Variants in STARD13 observed in about 807,000 individuals in gnomAD.
STARD13 encodes the protein StAR related lipid transfer domain containing 13.
Under a neutral mutation model 106.4 loss-of-function variants are expected in STARD13, and 62 were observed. The observed-to-expected ratio is 0.58, with a 90% CI of 0.48 to 0.72. The LOEUF is 0.72. STARD13 is among the 30% of genes least tolerant of loss of function. The pLI, the probability that STARD13 is intolerant of heterozygous loss-of-function variation, is 0.00. For missense variants in STARD13, 1,387 were observed against 1,424.0 expected, an observed-to-expected ratio of 0.97 and a Z score of 0.42; for synonymous variants, 565 against 553.0, an observed-to-expected ratio of 1.02 and a Z score of -0.31.
At chr13:33,167,003 C>CAAAAAAAAAAA (rs139921719) in intron 2 of STARD13, among the ~76,000 whole-genome samples, 2 of 126,732 alleles carry the variant, frequency 1.6e-5, no homozygotes, top group Non-Finnish European at 3.4e-5. Context: ...CAAAAAAAAA[C>CAAAAAAAAAAA]AAAAAAAAAA....
intron 1 of STARD13, among the ~76,000 whole-genome samples, chr13:33,179,528 C>T (rs1237069092): frequency 6.6e-6 from 1 of 152,194 alleles, no homozygotes; most frequent in Non-Finnish European, 1.5e-5. Context: ...CTTCTCTCAG[C>T]TCTCTTCATT....
intron 1 of STARD13, among the ~76,000 whole-genome samples, chr13:33,219,812 A>AC (rs1491096610): frequency 8.6e-6 from 1 of 115,938 alleles, no homozygotes; most frequent in Non-Finnish European, 1.8e-5. Context: ...CTAAAAACAA[A>AC]CAAAAAAAAA....
chr13:33,617,091 C>T, the STARD13 span, among the ~76,000 whole-genome samples: 1 of 152,156 alleles, frequency 6.6e-6, no homozygotes, highest in Non-Finnish European at 1.5e-5. Flanking sequence ...TGCTTTTATT[C>T]TTAGTTTATC....
chr13:33,204,484 C>T (rs1305551448), intron 1 of STARD13, among the ~76,000 whole-genome samples: 2 of 152,086 alleles, frequency 1.3e-5, no homozygotes, highest in Non-Finnish European at 2.9e-5. Flanking sequence ...TTCTGATTTC[C>T]CCAATAAGAA....
At chr13:33,456,023 T>C in the STARD13 span, among the ~76,000 whole-genome samples, 2 of 152,298 alleles carry the variant, frequency 1.3e-5, no homozygotes, top group African/African-American at 4.8e-5. Context: ...GAAAGTCATA[T>C]GATATCCAAA....
At chr13:33,162,133 T>C (rs1882704201) in intron 3 of STARD13, among the ~76,000 whole-genome samples, 1 of 152,140 alleles carries the variant, frequency 6.6e-6, no homozygotes, top group Admixed American at 6.5e-5. Context: ...AGTCATGCCT[T>C]CCCAACAGTC....
chr13:33,665,222 G>A, the STARD13 span, among the ~76,000 whole-genome samples: 5 of 152,240 alleles, frequency 3.3e-5, no homozygotes, highest in South Asian at 2.1e-4. Flanking sequence ...TGACTGAACT[G>A]GAGAAAACCT....
the STARD13 span, among the ~76,000 whole-genome samples, chr13:33,614,517 G>A: frequency 6.6e-6 from 1 of 152,192 alleles, no homozygotes; most frequent in Non-Finnish European, 1.5e-5. Flanking sequence ...GTGCTGCACT[G>A]ACTGGCAAAG....
the STARD13 span, among the ~76,000 whole-genome samples, chr13:33,494,954 C>T: frequency 1.3e-5 from 2 of 152,176 alleles, no homozygotes; most frequent in Admixed American, 1.3e-4. Context: ...CACGACAAGT[C>T]TTCCAAAATC....
chr13:33,153,600 G>A (rs1447470902), intron 3 of STARD13, among the ~76,000 whole-genome samples: 3 of 152,164 alleles, frequency 2.0e-5, no homozygotes, highest in South Asian at 4.2e-4. Flanking sequence ...GACACCCAGC[G>A]GCCCTCTGCC....
the STARD13 span, among the ~76,000 whole-genome samples, chr13:33,548,464 G>A: frequency 4.6e-5 from 7 of 152,162 alleles, no homozygotes; most frequent in Non-Finnish European, 5.9e-5. Flanking sequence ...CCATTTCTGT[G>A]GAGTGGACTC....
At chr13:33,551,754 A>G in the STARD13 span, among the ~76,000 whole-genome samples, 2 of 151,752 alleles carry the variant, frequency 1.3e-5, no homozygotes, top group South Asian at 2.1e-4. Flanking sequence ...GCCCACCACC[A>G]TACTGGCTCA....
intron 1 of STARD13, among the ~76,000 whole-genome samples, chr13:33,231,080 T>TA (rs1888895462): frequency 6.6e-6 from 1 of 152,292 alleles, no homozygotes; most frequent in East Asian, 1.9e-4. Context: ...TTTTAAAACT[T>TA]AAAGTCCTGC....
At chr13:33,247,074 G>A (rs1217728597) in intron 1 of STARD13, among the ~76,000 whole-genome samples, 2 of 152,116 alleles carry the variant, frequency 1.3e-5, no homozygotes, top group Non-Finnish European at 2.9e-5. Context: ...ACACATGCCT[G>A]TAGTCCTAGC....
At chr13:33,509,352 T>G in the STARD13 span, among the ~76,000 whole-genome samples, 3 of 152,160 alleles carry the variant, frequency 2.0e-5, no homozygotes, top group Admixed American at 2.0e-4. Flanking sequence ...TTAGGATGTG[T>G]AAATCTCTGC....
the STARD13 span, among the ~76,000 whole-genome samples, chr13:33,455,522 T>C: frequency 6.6e-6 from 1 of 152,132 alleles, no homozygotes; most frequent in East Asian, 1.9e-4. Flanking sequence ...TTAGTTTGAA[T>C]CAAACTGCCT....
intron 1 of STARD13, among the ~76,000 whole-genome samples, chr13:33,265,270 C>G (rs1890842746): frequency 6.6e-6 from 1 of 152,180 alleles, no homozygotes; most frequent in Non-Finnish European, 1.5e-5. Context: ...AGTGGGGCAG[C>G]TGCCTGAGGC....
chr13:33,222,863 A>G (rs1888431139), intron 1 of STARD13, among the ~76,000 whole-genome samples: 1 of 152,234 alleles, frequency 6.6e-6, no homozygotes, highest in Non-Finnish European at 1.5e-5. Context: ...CAGAAGAAAC[A>G]TGTCCTCGTG....
the STARD13 span, among the ~76,000 whole-genome samples, chr13:33,477,791 C>T: frequency 6.6e-6 from 1 of 152,298 alleles, no homozygotes; most frequent in Admixed American, 6.5e-5. Flanking sequence ...GCCCAATTAT[C>T]CAATAGAATT....
Sources: allele counts gnomAD v4.1 joint callset (sites outside exome capture counted in the v4.1 genomes callset), GRCh38; gene constraint gnomAD v4.1.1; transcripts MANE v1.5; gene names NCBI Gene and HGNC (gene_info 2026-07-23, HGNC 2026-07-21).